SYT14: variants seen among roughly 807,000 people sequenced by gnomAD.
SYT14 encodes synaptotagmin 14, also known as synaptotagmin-14.
SYT14 carries 32 observed loss-of-function variants against 74.2 expected under a neutral mutation model. The ratio of observed to expected loss-of-function variants is 0.43; its 90% CI spans 0.33 to 0.58. SYT14 has a LOEUF of 0.58. SYT14 is among the 20% of genes least tolerant of loss of function. The pLI is 0.05. For synonymous variants in SYT14, 298 were observed against 337.7 expected (o/e 0.88, Z 1.29); for missense variants, 791 against 981.8 (o/e 0.81, Z 2.60).
chr1:210,064,884 A>G (rs1208340329), intron 5 of SYT14, among the ~76,000 whole-genome samples: 1 of 152,044 alleles, frequency 6.6e-6, no homozygotes, highest in African/African-American at 2.4e-5. Flanking sequence ...TCCACCAGCA[A>G]TGCATGAGGG....
intron 7 of SYT14, among the ~76,000 whole-genome samples, chr1:210,121,837 T>G (rs1264762648): frequency 3.9e-5 from 6 of 152,038 alleles, no homozygotes; most frequent in Admixed American, 6.6e-5. Context: ...GAGTAATTAT[T>G]AAGATGACTG....
intron 5 of SYT14, among the ~76,000 whole-genome samples, chr1:210,024,529 T>G (rs1280887408): frequency 4.6e-5 from 7 of 152,040 alleles, no homozygotes; most frequent in Admixed American, 2.6e-4. Flanking sequence ...GAGGGACCTG[T>G]GTTTGGTTGG....
At chr1:209,988,340 T>TG (rs2079606663) in intron 2 of SYT14, among the ~76,000 whole-genome samples, 1 of 152,240 alleles carries the variant, frequency 6.6e-6, no homozygotes, top group Admixed American at 6.5e-5. Flanking sequence ...ATCATTCCTC[T>TG]GGTTCTTCAA....
intron 7 of SYT14, among the ~76,000 whole-genome samples, chr1:210,113,022 G>A (rs1401720318): frequency 6.6e-6 from 1 of 151,180 alleles, no homozygotes; most frequent in Non-Finnish European, 1.5e-5. Context: ...TTATTTTGAG[G>A]GCCTCTAAAA....
chr1:210,130,458 T>C (rs184487723), intron 7 of SYT14, among the ~76,000 whole-genome samples: 2 of 152,340 alleles, frequency 1.3e-5, no homozygotes, highest in African/African-American at 4.8e-5. Context: ...CAAAGTTTAT[T>C]GTGGCATTGA....
chr1:210,132,153 T>C (rs889615692), intron 7 of SYT14, among the ~76,000 whole-genome samples: 1 of 148,778 alleles, frequency 6.7e-6, no homozygotes. Context: ...ATGTCTTCTT[T>C]ACCCCACCAA....
chr1:210,128,677 A>G (rs1470806054), intron 7 of SYT14, among the ~76,000 whole-genome samples: 7 of 152,202 alleles, frequency 4.6e-5, no homozygotes, highest in Non-Finnish European at 8.8e-5. Context: ...AGCTCTACCA[A>G]TCATTTGCAT....
intron 5 of SYT14, among the ~76,000 whole-genome samples, chr1:210,062,658 C>T (rs913976474): frequency 2.6e-5 from 4 of 151,864 alleles, no homozygotes; most frequent in African/African-American, 9.7e-5. Flanking sequence ...ACATTCTATT[C>T]TCATGAATTC....
chr1:210,087,452 T>C (rs12736618), intron 5 of SYT14, among the ~76,000 whole-genome samples: 3 of 152,124 alleles, frequency 2.0e-5, no homozygotes, highest in African/African-American at 7.2e-5. Flanking sequence ...TTGCTCTCCT[T>C]CCTCAATGCG....
intron 7 of SYT14, among the ~76,000 whole-genome samples, chr1:210,106,187 G>A (rs2082154686): frequency 6.6e-6 from 1 of 152,164 alleles, no homozygotes; most frequent in Non-Finnish European, 1.5e-5. Context: ...GTTTGTTAAG[G>A]AGTGCTCTTG....
rs765730182 is a variant in SYT14, at chr1:210,117,903, T to C, written c.2034+17442T>C. Among the ~76,000 whole-genome samples the C allele has an allele frequency of 5.2e-4, 79 of 152,294 alleles. 1 individual carries two copies. The highest frequency in any genetic ancestry group is 2.1e-3 in the Admixed American group (32 of 15,300). ...TATTTAATATAGAGAATAAAGAACA[T>C]CAAGCACCTAAATTGGGATTCATTT... On this transcript the variant is annotated intron_variant, in intron 7 of 9. Transcript: ENST00000637265.
chr1:210,060,441 T>C (rs2081187718), intron 5 of SYT14, among the ~76,000 whole-genome samples: 1 of 152,160 alleles, frequency 6.6e-6, no homozygotes, highest in Admixed American at 6.6e-5. Flanking sequence ...AGTTCTTTTA[T>C]ATAGCTACTT....
intron 5 of SYT14, among the ~76,000 whole-genome samples, chr1:210,046,121 A>G (rs2080879556): frequency 6.6e-6 from 1 of 152,198 alleles, no homozygotes; most frequent in Non-Finnish European, 1.5e-5. Context: ...CTATAATCCC[A>G]GCACCTTGGG....
chr1:210,081,983 A>G (rs919242467), intron 5 of SYT14, among the ~76,000 whole-genome samples: 3 of 152,178 alleles, frequency 2.0e-5, no homozygotes, highest in African/African-American at 7.2e-5. Flanking sequence ...AAATTCCTCG[A>G]TGCTATTTGT....
intron 2 of SYT14, among the ~76,000 whole-genome samples, chr1:210,012,519 A>G (rs2080104549): frequency 1.3e-5 from 2 of 152,184 alleles, no homozygotes; most frequent in Admixed American, 1.3e-4. Flanking sequence ...AATGAGTATA[A>G]CATTTGACTG....
At chr1:210,069,998 T>C (rs1439603635) in intron 5 of SYT14, among the ~76,000 whole-genome samples, 1 of 152,084 alleles carries the variant, frequency 6.6e-6, no homozygotes, top group African/African-American at 2.4e-5. Context: ...CACATTAAAG[T>C]TGAGTTTACT....
chr1:209,979,702 G>T (rs1171246555), intron 2 of SYT14, among the ~76,000 whole-genome samples: 1 of 152,152 alleles, frequency 6.6e-6, no homozygotes, highest in African/African-American at 2.4e-5. Context: ...AGAACATGTG[G>T]CATTTGGATT....
At chr1:210,000,941 T>G (rs1233541362) in intron 2 of SYT14, among the ~76,000 whole-genome samples, 1 of 152,100 alleles carries the variant, frequency 6.6e-6, no homozygotes, top group East Asian at 1.9e-4. Context: ...CTTTTGTGAT[T>G]AAAAACACAT....
intron 7 of SYT14, among the ~76,000 whole-genome samples, chr1:210,137,504 C>T (rs2102658264): frequency 6.6e-6 from 1 of 152,048 alleles, no homozygotes; most frequent in South Asian, 2.1e-4. Context: ...AATCCTAAGT[C>T]CTAGTCCATT....
Sources: allele counts gnomAD v4.1 joint callset (sites outside exome capture counted in the v4.1 genomes callset), GRCh38; gene constraint gnomAD v4.1.1; transcripts MANE v1.5; gene names NCBI Gene and HGNC (gene_info 2026-07-23, HGNC 2026-07-21).